Variants in SNX25 observed in about 807,000 individuals in gnomAD.
SNX25 encodes sorting nexin 25.
In SNX25, 62 loss-of-function variants were observed where a neutral mutation model predicts 113.7. That is an observed-to-expected ratio of 0.55 (90% confidence interval 0.44 to 0.67). The LOEUF is 0.67. Ranked by LOEUF, SNX25 falls within the 30% of genes least tolerant of loss-of-function variation. SNX25 has a pLI of 0.00. For synonymous variants in SNX25, 421 were observed against 436.2 expected (o/e 0.97, Z 0.43); for missense variants, 1,014 against 1,161.0 (o/e 0.87, Z 1.84).
At chr4:185,207,180 C>A (rs1306735692), upstream of SNX25, among the ~76,000 whole-genome samples, 1 of 143,722 alleles carries the variant, frequency 7.0e-6, no homozygotes, top group Non-Finnish European at 1.5e-5. Context: ...CCAATCCAGT[C>A]AAATTGACAC....
chr4:185,224,225 GC>G (rs1456857204), intron 1 of SNX25, among the ~76,000 whole-genome samples: 1 of 151,744 alleles, frequency 6.6e-6, no homozygotes, highest in African/African-American at 2.4e-5. Context: ...GGTGGCGTAT[GC>G]CTGTAATCCC....
chr4:185,261,661 A>G (rs1747354854), intron 3 of SNX25, among the ~76,000 whole-genome samples: 1 of 152,230 alleles, frequency 6.6e-6, no homozygotes, highest in African/African-American at 2.4e-5. Flanking sequence ...ATATAAAGAT[A>G]TGGATAAAGC....
At chr4:185,353,820 T>C (rs1251359722) in intron 15 of SNX25, among the ~76,000 whole-genome samples, 1 of 151,786 alleles carries the variant, frequency 6.6e-6, no homozygotes, top group Non-Finnish European at 1.5e-5. Context: ...CCAAGGCGGG[T>C]GGATCATGAA....
chr4:185,216,518 T>TG (rs1222467708), intron 1 of SNX25, among the ~76,000 whole-genome samples: 1 of 145,780 alleles, frequency 6.9e-6, no homozygotes, highest in African/African-American at 2.6e-5. Context: ...ATTTGGTTTT[T>TG]TTTTTTTTTT....
intron 4 of SNX25, among the ~76,000 whole-genome samples, chr4:185,265,765 T>TGTGC (rs1436523323): frequency 6.6e-6 from 1 of 152,206 alleles, no homozygotes; most frequent in African/African-American, 2.4e-5. Context: ...CATAATTGTA[T>TGTGC]GTGCTGTATT....
At chr4:185,221,398 C>T (rs1739822738) in intron 1 of SNX25, among the ~76,000 whole-genome samples, 1 of 152,020 alleles carries the variant, frequency 6.6e-6, no homozygotes, top group Non-Finnish European at 1.5e-5. Flanking sequence ...AGGTCTCAAA[C>T]TCCTGGACTC....
intron 1 of SNX25, among the ~76,000 whole-genome samples, chr4:185,238,062 CAAAAAAAAAAA>C (rs10635995): frequency 1.1e-5 from 1 of 87,942 alleles, no homozygotes; most frequent in South Asian, 4.4e-4. Context: ...GACTCCATCT[CAAAAAAAAAAA>C]AAAAAAAAAA....
chr4:185,290,813 GA>G lies in SNX25; in HGVS notation c.1162+2733del, dbSNP rs1444915956. On this transcript the variant is annotated intron_variant, in intron 6 of 18. Transcript: ENST00000652585. ...TTTAAAGAGAATTTATTCAAGTGCG[GA>G]AGTTGAGGACTATAGCCAGGGACAC... is the stretch of plus-strand genomic sequence containing the variant. Among the ~76,000 whole-genome samples, 4 of 151,182 alleles carry G rather than the reference GA, an allele frequency of 2.6e-5. No individual in the cohort carries two copies. The East Asian group carries it at 7.9e-4, about 30-fold the overall frequency.
Position 185,324,855 on chromosome 4 carries a change from G to A in SNX25, c.1749+1055G>A, listed in dbSNP as rs943674860. ...GGCTACTTCCTACTGATGAGGGGAC[G>A]GAGAGTTTTCTGGTCTTGGATTGAC... On this transcript the variant is annotated intron_variant, in intron 9 of 18. Coordinates refer to ENST00000652585, the MANE Select transcript of SNX25 (RefSeq NM_001378034.2). Among the ~76,000 whole-genome samples the A allele has an allele frequency of 3.3e-5, 5 of 152,172 alleles. No homozygotes were observed. In the East Asian group the frequency reaches 5.8e-4, roughly 18 times the overall value.
chr4:185,249,562 T>C (rs1350019617), intron 2 of SNX25, among the ~76,000 whole-genome samples: 1 of 152,202 alleles, frequency 6.6e-6, no homozygotes, highest in African/African-American at 2.4e-5. Flanking sequence ...TTGCCTTTTG[T>C]TTTCTTAATG....
intron 6 of SNX25, among the ~76,000 whole-genome samples, chr4:185,299,285 G>A (rs561028164): frequency 4.1e-4 from 63 of 152,292 alleles, no homozygotes; most frequent in African/African-American, 1.3e-3. Flanking sequence ...ATGAGATCAT[G>A]TGCTCGTGCT....
downstream of SNX25, among the ~76,000 whole-genome samples, chr4:185,367,975 C>G (rs2095396166): frequency 6.6e-6 from 1 of 152,062 alleles, no homozygotes; most frequent in Non-Finnish European, 1.5e-5. Flanking sequence ...GTCAGGAGAT[C>G]GAGACCATCC....
At chr4:185,227,183 G>A (rs921894607) in intron 1 of SNX25, among the ~76,000 whole-genome samples, 1 of 152,250 alleles carries the variant, frequency 6.6e-6, no homozygotes, top group Non-Finnish European at 1.5e-5. Flanking sequence ...CATCTTACTG[G>A]CCAGGTTTGG....
At chr4:185,343,237 T>C (rs1233324071) in intron 12 of SNX25, among the ~76,000 whole-genome samples, 1 of 152,174 alleles carries the variant, frequency 6.6e-6, no homozygotes, top group Non-Finnish European at 1.5e-5. Context: ...TTTTCATCAG[T>C]GAAAACGAAT....
chr4:185,375,786 G>C, the SNX25 span: 7 of 1,090,700 alleles, frequency 6.4e-6, no homozygotes, highest in African/African-American at 9.5e-5. Context: ...AATCCCAAAG[G>C]CACCAAGTGG....
intron 1 of SNX25, among the ~76,000 whole-genome samples, chr4:185,216,485 C>T (rs1484997709): frequency 6.7e-6 from 1 of 150,016 alleles, no homozygotes; most frequent in African/African-American, 2.4e-5. Flanking sequence ...ATCAAGTGTA[C>T]CCAGGAAATG....
chr4:185,363,550 AG>A lies in SNX25; in HGVS notation c.*86del. Reference sequence around the variant, plus strand: ...CTCTTTTCCACAGAGGGCTTAACTGAGAACCGTATTGATTTTTATTTTAGTT... The same window carrying A: ...CTCTTTTCCACAGAGGGCTTAACTGAAACCGTATTGATTTTTATTTTAGTT... On this transcript the variant is annotated 3_prime_UTR_variant, in exon 19 of 19. Transcript: ENST00000652585. The surrounding 1 kb of genome is among the most constrained non-coding windows in gnomAD (Gnocchi z 4.2). The A allele has an allele frequency of 7.9e-7, 1 of 1,273,104 alleles. No homozygotes were observed. The highest frequency in any genetic ancestry group is 1.8e-5 in the Admixed American group (1 of 55,340). 78.9% of individuals were successfully genotyped at this position (1,273,104 alleles called of 1,614,324 possible).
intron 13 of SNX25, among the ~76,000 whole-genome samples, chr4:185,351,051 GTGTAATTTGCAAAAATT>G (rs368094659): frequency 0.021 from 3,232 of 152,258 alleles, 117 homozygotes; most frequent in African/African-American, 0.073. Flanking sequence ...AGGTATCCAT[GTGTAATTTGCAAAAATT>G]TAAGTTGGTC....
At chr4:185,362,488 A>G in intron 17 of SNX25, 123 bp from the exon 18 acceptor site, 3 of 1,172,108 alleles carry the variant, frequency 2.6e-6, no homozygotes, top group Middle Eastern at 2.6e-4. Flanking sequence ...CTGACCATTC[A>G]TGTTTCTCAT....
Sources: allele counts gnomAD v4.1 joint callset (sites outside exome capture counted in the v4.1 genomes callset), GRCh38; gene constraint gnomAD v4.1.1; non-coding constraint Gnocchi (gnomAD v3.1); transcripts MANE v1.5; gene names NCBI Gene and HGNC (gene_info 2026-07-23, HGNC 2026-07-21).